PTPRT: variants seen among roughly 807,000 people sequenced by gnomAD.
PTPRT encodes receptor-type tyrosine-protein phosphatase T.
PTPRT carries 56 observed loss-of-function variants against 176.8 expected under a neutral mutation model. The observed-to-expected ratio is 0.32, with a 90% CI of 0.26 to 0.40. The LOEUF is 0.40. Among genes scored for constraint, PTPRT ranks in the 10% least tolerant of loss-of-function variants. The probability of loss-of-function intolerance (pLI) is 1.00; values close to 1 mark genes in which losing one functional copy is unlikely to be tolerated. For synonymous variants in PTPRT, 783 were observed against 739.0 expected, an observed-to-expected ratio of 1.06 and a Z score of -0.96; for missense variants, 1,540 against 1,908.2, an observed-to-expected ratio of 0.81 and a Z score of 3.60.
chr20:42,608,678 G>A (rs144564370), intron 7 of PTPRT, among the ~76,000 whole-genome samples: 6 of 152,270 alleles, frequency 3.9e-5, no homozygotes, highest in South Asian at 2.1e-4. Context: ...CACACGCCTC[G>A]TGCTTGGGCT....
chr20:42,355,074 C>G (rs777104056), intron 9 of PTPRT, among the ~76,000 whole-genome samples: 3 of 152,120 alleles, frequency 2.0e-5, no homozygotes, highest in Non-Finnish European at 4.4e-5. Flanking sequence ...GTGCTACAGG[C>G]ATCTATCTGC....
At chr20:42,383,958 A>G (rs1335380185) in intron 9 of PTPRT, among the ~76,000 whole-genome samples, 3 of 152,218 alleles carry the variant, frequency 2.0e-5, no homozygotes, top group Non-Finnish European at 4.4e-5. Flanking sequence ...GACGGATTAT[A>G]TGTATTCTTT....
chr20:42,860,482 A>G (rs2078642272), intron 2 of PTPRT, among the ~76,000 whole-genome samples: 1 of 152,242 alleles, frequency 6.6e-6, no homozygotes, highest in Non-Finnish European at 1.5e-5. Context: ...AATATTTTAA[A>G]TTGACAGCTT....
chr20:43,006,627 A>G (rs1345431172), intron 1 of PTPRT, among the ~76,000 whole-genome samples: 1 of 152,220 alleles, frequency 6.6e-6, no homozygotes, highest in Non-Finnish European at 1.5e-5. Flanking sequence ...AAAATAGATG[A>G]GAAGCATTTA....
At chr20:42,738,722 C>T (rs1321095954) in intron 6 of PTPRT, among the ~76,000 whole-genome samples, 1 of 152,092 alleles carries the variant, frequency 6.6e-6, no homozygotes, top group Non-Finnish European at 1.5e-5. Context: ...TAATAGGGGG[C>T]ATTTGGAGAC....
intron 1 of PTPRT, among the ~76,000 whole-genome samples, chr20:43,004,947 A>C (rs187468667): frequency 1.3e-5 from 2 of 152,174 alleles, no homozygotes; most frequent in African/African-American, 2.4e-5. Flanking sequence ...TATAAGATAC[A>C]TATGTTTAGG....
Position 43,139,470 on chromosome 20 carries a change from C to T in PTPRT, c.88+50176G>A, listed in dbSNP as rs186391714. 8.2e-4 allele frequency among the ~76,000 whole-genome samples: 125 copies of T among 152,310 alleles called. 2 individuals are homozygous for T. The highest frequency in any genetic ancestry group is 2.6e-3 in the African/African-American group (109 of 41,562). ...GGACACCAGACCTTGTTTAGTATTG[C>T]CCATCGCAGTGTGAACACTCTAACA... On this transcript the variant is annotated intron_variant, in intron 1 of 30. Coordinates refer to ENST00000373187, the MANE Select transcript of PTPRT (RefSeq NM_007050.6).
intron 1 of PTPRT, among the ~76,000 whole-genome samples, chr20:43,075,619 A>G (rs2011254941): frequency 6.6e-6 from 1 of 152,246 alleles, no homozygotes; most frequent in African/African-American, 2.4e-5. Context: ...TCTTCCATTT[A>G]AAGGTAAAAG....
intron 1 of PTPRT, among the ~76,000 whole-genome samples, chr20:43,180,076 C>T (rs1486041913): frequency 6.6e-6 from 1 of 152,234 alleles, no homozygotes. Flanking sequence ...CTCCAATCCA[C>T]TGGGGGCCCG....
intron 17 of PTPRT, among the ~76,000 whole-genome samples, chr20:42,155,466 C>G (rs750767542): frequency 6.6e-6 from 1 of 152,070 alleles, no homozygotes; most frequent in Admixed American, 6.6e-5. Flanking sequence ...TATTTAGACT[C>G]CCAGAATATC....
At chr20:42,987,077 G>A (rs1215052152) in intron 1 of PTPRT, among the ~76,000 whole-genome samples, 1 of 152,084 alleles carries the variant, frequency 6.6e-6, no homozygotes, top group Admixed American at 6.5e-5. Flanking sequence ...GACAGTTGGT[G>A]GGCAGCCATC....
intron 11 of PTPRT, among the ~76,000 whole-genome samples, chr20:42,341,434 A>T (rs1005266917): frequency 6.6e-6 from 1 of 152,152 alleles, no homozygotes; most frequent in East Asian, 1.9e-4. Context: ...TTAAAAAAAA[A>T]TTAAACGATT....
At chr20:42,914,877 T>TA (rs58741882) in intron 1 of PTPRT, among the ~76,000 whole-genome samples, 102 of 143,644 alleles carry the variant, frequency 7.1e-4, no homozygotes, top group African/African-American at 1.2e-3. Context: ...AGTGTACAGT[T>TA]AAAAAAAAAA....
chr20:42,195,634 C>A (rs1991185384), intron 16 of PTPRT, among the ~76,000 whole-genome samples: 1 of 152,044 alleles, frequency 6.6e-6, no homozygotes, highest in Admixed American at 6.5e-5. Context: ...GTGATTCAGA[C>A]TAATGCAGAA....
At chr20:42,769,052 C>T (rs1032830837) in intron 5 of PTPRT, among the ~76,000 whole-genome samples, 2 of 152,204 alleles carry the variant, frequency 1.3e-5, no homozygotes, top group African/African-American at 2.4e-5. Context: ...CAGCCTAATA[C>T]ACTTGAACAC....
Position 42,497,247 on chromosome 20 carries a change from T to A in PTPRT, c.1154-24685A>T, listed in dbSNP as rs2071671365. 3.9e-5 allele frequency among the ~76,000 whole-genome samples: 6 copies of A among 152,172 alleles called. No individual in the cohort carries two copies. In the South Asian group the frequency reaches 1.2e-3, roughly 32 times the overall value. ...CATAGATTTAGCACATCTCTTCCTGTCTTAAATCCTGGTGCTCACTTCTCT... is the reference window on the plus strand; with the variant it reads ...CATAGATTTAGCACATCTCTTCCTGACTTAAATCCTGGTGCTCACTTCTCT... On this transcript the variant is annotated intron_variant, in intron 7 of 30. Transcript: ENST00000373187.
intron 7 of PTPRT, among the ~76,000 whole-genome samples, chr20:42,648,820 G>GTTTTTTTTTTTTTTTTTT (rs68036487): frequency 1.8e-5 from 2 of 111,836 alleles, no homozygotes; most frequent in African/African-American, 7.4e-5. Context: ...TGGTGTCGTT[G>GTTTTTTTTTTTTTTTTTT]TTTTTTTTTT....
intron 13 of PTPRT, among the ~76,000 whole-genome samples, chr20:42,272,447 A>T (rs148302263): frequency 2.6e-5 from 4 of 152,090 alleles, no homozygotes; most frequent in Non-Finnish European, 4.4e-5. Context: ...GGCAAGACAA[A>T]GACTGTCGCC....
At chr20:43,156,932 A>T (rs1461716458) in intron 1 of PTPRT, among the ~76,000 whole-genome samples, 2 of 152,296 alleles carry the variant, frequency 1.3e-5, no homozygotes, top group African/African-American at 2.4e-5. Context: ...TCAGGCAGAG[A>T]TGGTAGCTGG....
Sources: gnomAD v4.1 joint callset for allele counts (sites outside exome capture counted in the v4.1 genomes callset) on GRCh38, gnomAD v4.1.1 for gene constraint, MANE v1.5 for transcripts, NCBI Gene and HGNC (gene_info 2026-07-23, HGNC 2026-07-21) for gene names.